JPH3: variants seen among roughly 807,000 people sequenced by gnomAD.
The protein encoded by JPH3 is junctophilin-3.
In JPH3, 11 loss-of-function variants were observed where a neutral mutation model predicts 59.6. The ratio of observed to expected loss-of-function variants is 0.18; its 90% CI spans 0.12 to 0.31. The LOEUF is 0.31. JPH3 is among the 10% of genes least tolerant of loss of function. The probability of loss-of-function intolerance (pLI) is 1.00; values close to 1 mark genes in which losing one functional copy is unlikely to be tolerated. For synonymous variants in JPH3, 673 were observed against 483.6 expected (o/e 1.39, Z -5.14); for missense variants, 1,202 against 1,105.7 (o/e 1.09, Z -1.24).
intron 1 of JPH3, among the ~76,000 whole-genome samples, chr16:87,614,469 T>C (rs1197698097): frequency 6.7e-6 from 1 of 150,162 alleles, no homozygotes; most frequent in Non-Finnish European, 1.5e-5. Context: ...TAAGTGCTGG[T>C]CCCTGCACAC....
intron 2 of JPH3, among the ~76,000 whole-genome samples, chr16:87,650,362 GC>G (rs2032291571): frequency 6.6e-6 from 1 of 152,130 alleles, no homozygotes; most frequent in South Asian, 2.1e-4. Flanking sequence ...CCTCCAACCA[GC>G]CGCTCCCCCA....
chr16:87,677,803 C>A (rs984208160), intron 2 of JPH3, among the ~76,000 whole-genome samples: 1 of 152,212 alleles, frequency 6.6e-6, no homozygotes, highest in Non-Finnish European at 1.5e-5. Flanking sequence ...CAGGCAGACC[C>A]GCTCCTGTCT....
intron 1 of JPH3, among the ~76,000 whole-genome samples, chr16:87,615,566 G>C (rs2030925438): frequency 6.6e-6 from 1 of 152,212 alleles, no homozygotes; most frequent in East Asian, 1.9e-4. Flanking sequence ...CAGATGGGAA[G>C]CAGGCTCAGA....
chr16:87,619,304 C>A (rs1351879448), intron 1 of JPH3, among the ~76,000 whole-genome samples: 1 of 114,226 alleles, frequency 8.8e-6, no homozygotes, highest in East Asian at 2.6e-4. Flanking sequence ...CAGAGCGAGA[C>A]CCTGTCTTAA....
At chr16:87,635,025 C>A (rs1332935167) in intron 1 of JPH3, among the ~76,000 whole-genome samples, 1 of 152,226 alleles carries the variant, frequency 6.6e-6, no homozygotes, top group Non-Finnish European at 1.5e-5. Context: ...GGAAATGTTT[C>A]CCCTTTTCCC....
intron 2 of JPH3, among the ~76,000 whole-genome samples, chr16:87,683,005 G>A (rs941693589): frequency 6.6e-5 from 10 of 152,364 alleles, no homozygotes; most frequent in Middle Eastern, 3.4e-3. Context: ...GTCAGGGAGC[G>A]GCCAGAGGGG....
At chr16:87,646,974 A>T (rs1323313508) in intron 2 of JPH3, among the ~76,000 whole-genome samples, 1 of 152,208 alleles carries the variant, frequency 6.6e-6, no homozygotes, top group Non-Finnish European at 1.5e-5. Context: ...TAAGGAGCCC[A>T]GGTGGCATGG....
intron 1 of JPH3, among the ~76,000 whole-genome samples, chr16:87,640,639 C>T (rs1480564325): frequency 2.0e-5 from 3 of 152,084 alleles, no homozygotes; most frequent in Non-Finnish European, 4.4e-5. Context: ...GTGATCTGCT[C>T]GCCTCGGCCT....
chr16:87,613,944 G>A (rs959427106), intron 1 of JPH3, among the ~76,000 whole-genome samples: 4 of 152,194 alleles, frequency 2.6e-5, no homozygotes, highest in African/African-American at 9.7e-5. Flanking sequence ...CTTGTTTCTG[G>A]CCGCAGAATT....
At position 87,656,883 on chromosome 16, in the gene JPH3, G is replaced by A. The variant is rs537002699; in HGVS notation, c.1160+11848G>A. Among the ~76,000 whole-genome samples, 4 of 152,140 alleles carry A rather than the reference G, an allele frequency of 2.6e-5. No individual in the cohort carries two copies. The South Asian group carries it at 8.3e-4, about 32-fold the overall frequency. On this transcript the variant is annotated intron_variant, in intron 2 of 4. Coordinates refer to ENST00000284262, the MANE Select transcript of JPH3 (RefSeq NM_020655.4). ...ATGGTGCCTGTGGTGTTCCGACAGG[G>A]GATCACTCCTCGGGCTCCTTCTCGC...
chr16:87,659,059 C>A lies in JPH3; in HGVS notation c.1160+14024C>A, dbSNP rs1346348479. 2.6e-5 allele frequency among the ~76,000 whole-genome samples: 4 copies of A among 152,306 alleles called. No individual in the cohort carries two copies. The East Asian group carries it at 7.7e-4, about 29-fold the overall frequency. ...ACAGCGAAAGCCATGCAGCCTGCCCCATGCCTGGCTTTGTCGCGACGGCTG... is the reference window on the plus strand; with the variant it reads ...ACAGCGAAAGCCATGCAGCCTGCCCAATGCCTGGCTTTGTCGCGACGGCTG... On this transcript the variant is annotated intron_variant, in intron 2 of 4. Transcript: ENST00000284262.
At chr16:87,669,962 G>C (rs1472993431) in intron 2 of JPH3, among the ~76,000 whole-genome samples, 1 of 152,202 alleles carries the variant, frequency 6.6e-6, no homozygotes. Flanking sequence ...GCCTGTGTCA[G>C]CTCCAGCCGT....
rs537378184 is a variant in JPH3 at position 87,618,708 on chromosome 16, G to A, written c.382+15180G>A. On this transcript the variant is annotated intron_variant, in intron 1 of 4. Transcript: ENST00000284262. ...CCACTTCTGGGATGGATTTCCTGGA[G>A]GCTGGTGCTGAGTCTCTCTAGGTGC... Among the ~76,000 whole-genome samples the A allele has an allele frequency of 2.6e-5, 4 of 152,306 alleles. No individual in the cohort carries two copies. The East Asian group carries it at 7.7e-4, about 29-fold the overall frequency.
chr16:87,663,232 C>A (rs2032761218), intron 2 of JPH3, among the ~76,000 whole-genome samples: 1 of 152,088 alleles, frequency 6.6e-6, no homozygotes, highest in Non-Finnish European at 1.5e-5. Flanking sequence ...CCTCAGCCTC[C>A]CAAGTAGTTG....
chr16:87,661,271 G>C (rs564216156), intron 2 of JPH3, among the ~76,000 whole-genome samples: 12 of 152,190 alleles, frequency 7.9e-5, no homozygotes, highest in Admixed American at 2.6e-4. Flanking sequence ...AGATAATCCA[G>C]GGTCATCTCT....
At chr16:87,612,509 C>T (rs2030767273) in intron 1 of JPH3, among the ~76,000 whole-genome samples, 1 of 152,188 alleles carries the variant, frequency 6.6e-6, no homozygotes, top group Non-Finnish European at 1.5e-5. Flanking sequence ...TTGAGGACCA[C>T]TCATCTGGAG....
At chr16:87,606,976 T>A (rs1197838355) in intron 1 of JPH3, among the ~76,000 whole-genome samples, 2 of 152,112 alleles carry the variant, frequency 1.3e-5, no homozygotes, top group African/African-American at 2.4e-5. Context: ...TGGGTGTGGG[T>A]TGGGAGGAAC....
At chr16:87,664,183 T>C (rs1292341863) in intron 2 of JPH3, among the ~76,000 whole-genome samples, 1 of 151,808 alleles carries the variant, frequency 6.6e-6, no homozygotes, top group Non-Finnish European at 1.5e-5. Flanking sequence ...TATAAAAAAT[T>C]AGCTGGGCGT....
At chr16:87,668,499 G>A (rs971701614) in intron 2 of JPH3, among the ~76,000 whole-genome samples, 17 of 152,132 alleles carry the variant, frequency 1.1e-4, no homozygotes, top group Admixed American at 2.0e-4. Flanking sequence ...TCGGCATGGC[G>A]TGGCCCGTCA....
Sources: gnomAD v4.1 joint callset for allele counts (sites outside exome capture counted in the v4.1 genomes callset) on GRCh38, gnomAD v4.1.1 for gene constraint, MANE v1.5 for transcripts, NCBI Gene and HGNC (gene_info 2026-07-23, HGNC 2026-07-21) for gene names.